The following RLN3 variants were observed in gnomAD, a reference collection of about 807,000 sequenced individuals.
RLN3 encodes relaxin-3.
In RLN3, 13 loss-of-function variants were observed where a neutral mutation model predicts 10.2. The ratio of observed to expected loss-of-function variants is 1.28; its 90% CI spans 0.83 to 2.03. The LOEUF (loss-of-function observed/expected upper bound fraction) is 2.03. RLN3 is among the 30% of genes most tolerant of loss of function. The pLI is 0.00. For synonymous variants in RLN3, 56 were observed against 79.2 expected (o/e 0.71, Z 1.56); for missense variants, 191 against 187.2 (o/e 1.02, Z -0.12).
chr19:14,031,044 A>C lies in RLN3; in HGVS notation c.*96A>C. The C allele has an allele frequency of 5.8e-6, 5 of 859,096 alleles. 1 individual carries two copies. The South Asian group carries it at 8.2e-5, about 14-fold the overall frequency. 53.2% of individuals were successfully genotyped at this position (859,096 alleles called of 1,614,324 possible). A position where few individuals can be genotyped will look rare whatever the true frequency, so the allele number is the denominator to read the frequency against. ...GCTGGGCACCTGTCTTTCGAGCCTC[A>C]CACATTCATTCATTCATCTACAAGT... On this transcript the variant is annotated 3_prime_UTR_variant, in exon 2 of 2. Coordinates refer to ENST00000431365, the MANE Select transcript of RLN3 (RefSeq NM_080864.4).
intron 1 of RLN3, 23 bp from the exon 2 acceptor site, chr19:14,030,687 C>A: frequency 6.2e-7 from 1 of 1,600,910 alleles, no homozygotes; most frequent in South Asian, 1.1e-5. Context: ...GCCCTGATCA[C>A]TAACTCTGTT....
chr19:14,029,197 G>A (rs1353345250), intron 1 of RLN3, among the ~76,000 whole-genome samples: 1 of 152,052 alleles, frequency 6.6e-6, no homozygotes, highest in Non-Finnish European at 1.5e-5. Context: ...GAGAGTCAGA[G>A]GGAACAGAAG....
rs1334331024 is a variant in RLN3 at position 14,028,200 on chromosome 19, C to T, written c.-5C>T. On this transcript the variant is annotated 5_prime_UTR_variant, in exon 1 of 2. Coordinates refer to ENST00000431365, the MANE Select transcript of RLN3 (RefSeq NM_080864.4). ...ACTCTCACGTTCAAAGCATCTCCGTCCAGCATGGCCAGGTACATGCTGCTG... is the reference window on the plus strand; with the variant it reads ...ACTCTCACGTTCAAAGCATCTCCGTTCAGCATGGCCAGGTACATGCTGCTG... 1.9e-6 allele frequency: 3 copies of T among 1,574,026 alleles called. No homozygotes were observed. Among genetic ancestry groups the T allele is most frequent in the Non-Finnish European group, 2.6e-6 (3 of 1,160,676 alleles).
chr19:14,030,671 A>T, intron 1 of RLN3, 39 bp from the exon 2 acceptor site: 1 of 1,536,918 alleles, frequency 6.5e-7, no homozygotes, highest in Non-Finnish European at 9.0e-7. Flanking sequence ...GTGCAGCAGC[A>T]GCTGAGCCCT....
Position 14,031,063 on chromosome 19 carries a change from T to G in RLN3, c.*115T>G. ...AGCCTCACACATTCATTCATTCATC[T>G]ACAAGTCACAGAGGCACTGTGGGCT... On this transcript the variant is annotated 3_prime_UTR_variant, in exon 2 of 2. Transcript: ENST00000431365. 1.3e-6 allele frequency: 1 copy of G among 774,956 alleles called. No homozygotes were observed. Among genetic ancestry groups the G allele is most frequent in the Non-Finnish European group, 2.1e-6 (1 of 466,976 alleles). 48.0% of individuals were successfully genotyped at this position (774,956 alleles called of 1,614,324 possible).
At position 14,031,096 on chromosome 19, in the gene RLN3, A is replaced by C; in HGVS notation, c.*148A>C. 1.5e-6 allele frequency: 1 copy of C among 648,230 alleles called. No homozygotes were observed. 40.2% of individuals were successfully genotyped at this position (648,230 alleles called of 1,614,324 possible). ...ACAGAGGCACTGTGGGCTCAGGCACAGTCTCCCGACACCACCTATCCAACC... is the reference window on the plus strand; with the variant it reads ...ACAGAGGCACTGTGGGCTCAGGCACCGTCTCCCGACACCACCTATCCAACC... On this transcript the variant is annotated 3_prime_UTR_variant, in exon 2 of 2. Coordinates refer to ENST00000431365, the MANE Select transcript of RLN3 (RefSeq NM_080864.4).
At chr19:14,029,264 G>C (rs1975761902) in intron 1 of RLN3, among the ~76,000 whole-genome samples, 1 of 152,080 alleles carries the variant, frequency 6.6e-6, no homozygotes, top group Admixed American at 6.6e-5. Context: ...TGGTGAGAAG[G>C]AGGATAGGTA....
In RLN3 at chr19:14,028,159, G is replaced by A; in HGVS notation, c.-46G>A. ...TGTATAAATGGGGGGCCAAGAGGCA[G>A]CAGAGACACTGGCCCACTCTCACGT... On this transcript the variant is annotated 5_prime_UTR_variant, in exon 1 of 2. Coordinates refer to ENST00000431365, the MANE Select transcript of RLN3 (RefSeq NM_080864.4). 1 of 1,432,804 alleles carries A rather than the reference G, an allele frequency of 7.0e-7. No homozygotes were observed. Among genetic ancestry groups the A allele is most frequent in the Non-Finnish European group, 9.5e-7 (1 of 1,055,844 alleles). The allele number at this position is 1,432,804 out of a possible 1,614,324, so 88.8% of individuals were successfully genotyped here.
In RLN3 at chr19:14,031,191, A is replaced by C. The variant is rs1975801576; in HGVS notation, c.*243A>C. On this transcript the variant is annotated 3_prime_UTR_variant, in exon 2 of 2. Coordinates refer to ENST00000431365, the MANE Select transcript of RLN3 (RefSeq NM_080864.4). ...TGTGCCCCTGCCTGGTCAAGTGGGG[A>C]CCCCCCCATCCTGACCCCTGACCTC... The C allele has an allele frequency of 4.0e-6, 2 of 498,780 alleles. No homozygotes were observed. The highest frequency in any genetic ancestry group is 2.7e-5 in the South Asian group (1 of 37,712). 30.9% of individuals were successfully genotyped at this position (498,780 alleles called of 1,614,324 possible).
intron 1 of RLN3, chr19:14,030,237 CTT>C: frequency 1.4e-6 from 1 of 700,296 alleles, no homozygotes; most frequent in Non-Finnish European, 2.6e-6. Context: ...TTTTTTTCCA[CTT>C]TGCAGAAAAG....
chr19:14,031,408 G>A lies in RLN3; in HGVS notation c.*460G>A. The A allele has an allele frequency of 4.6e-6, 1 of 215,164 alleles. No individual in the cohort carries two copies. Among genetic ancestry groups the A allele is most frequent in the South Asian group, 9.4e-5 (1 of 10,658 alleles). 13.3% of individuals were successfully genotyped at this position (215,164 alleles called of 1,614,324 possible). ...TTTGCACGCACGCTTCCTTTGCCCT[G>A]CTTTCCATCCCCTCTCCCTCCAACT... On this transcript the variant is annotated 3_prime_UTR_variant, in exon 2 of 2. Coordinates refer to ENST00000431365, the MANE Select transcript of RLN3 (RefSeq NM_080864.4).
chr19:14,030,681 T>C, intron 1 of RLN3, 29 bp from the exon 2 acceptor site: 1 of 1,590,084 alleles, frequency 6.3e-7, no homozygotes, highest in East Asian at 2.2e-5. Context: ...AGCTGAGCCC[T>C]GATCACTAAC....
chr19:14,030,513 C>T lies in RLN3; in HGVS notation c.191-197C>T, dbSNP rs575400952. Among the ~76,000 whole-genome samples the T allele has an allele frequency of 1.4e-4, 21 of 152,286 alleles. 1 individual carries two copies. Among genetic ancestry groups the T allele is most frequent in the Non-Finnish European group, 2.1e-4 (14 of 68,018 alleles). ...ATCTCTATAACAATACAAAAATCAG[C>T]CAGGCCTGCTGGCAGACACCTGTAA... On this transcript the variant is annotated intron_variant, in intron 1 of 1. Transcript: ENST00000431365.
intron 1 of RLN3, among the ~76,000 whole-genome samples, chr19:14,030,028 G>A (rs763313290): frequency 1.2e-4 from 18 of 151,848 alleles, no homozygotes; most frequent in Non-Finnish European, 2.1e-4. Flanking sequence ...GTGCTGTGTT[G>A]TCCAGGCTGT....
In RLN3 at chr19:14,031,178, TG is replaced by T. The variant is rs1975801406; in HGVS notation, c.*232del. 3.8e-6 allele frequency: 2 copies of T among 527,266 alleles called. No individual in the cohort carries two copies. Among genetic ancestry groups the T allele is most frequent in the Non-Finnish European group, 6.7e-6 (2 of 297,506 alleles). 32.7% of individuals were successfully genotyped at this position (527,266 alleles called of 1,614,324 possible). On this transcript the variant is annotated 3_prime_UTR_variant, in exon 2 of 2. Coordinates refer to ENST00000431365, the MANE Select transcript of RLN3 (RefSeq NM_080864.4). ...CCCCTAAGGAAGCTGTGCCCCTGCC[TG>T]GTCAAGTGGGGACCCCCCCATCCTG...
At position 14,028,275 on chromosome 19, in the gene RLN3, A is replaced by T. The variant is rs1160820151; in HGVS notation, c.71A>T (p.Glu24Val). 1.9e-6 allele frequency: 3 copies of T among 1,613,450 alleles called. No homozygotes were observed. The highest frequency in any genetic ancestry group is 2.5e-6 in the Non-Finnish European group (3 of 1,179,904). The change falls in exon 1 of 2, where the codon GAG becomes GTG. Residue 24 changes from glutamate (E) to valine (V), a missense_variant. Transcript: ENST00000431365. ...ACCGGGGAGCTGTGGCCGGGAGCTG[A>T]GGCCCGGGCAGCGCCTTACGGGGTC... Reference protein sequence around the residue: ...VLTGELWPGAEARAAPYGVRL... With the variant: ...VLTGELWPGAVARAAPYGVRL...
intron 1 of RLN3, chr19:14,030,241 G>A: frequency 1.4e-6 from 1 of 699,714 alleles, no homozygotes; most frequent in Non-Finnish European, 2.6e-6. Flanking sequence ...TTTCCACTTT[G>A]CAGAAAAGAA....
At chr19:14,030,543 A>G (rs1975784686) in intron 1 of RLN3, among the ~76,000 whole-genome samples, 167 bp from the exon 2 acceptor site, 1 of 152,116 alleles carries the variant, frequency 6.6e-6, no homozygotes, top group South Asian at 2.1e-4. Context: ...CTGTAATCCC[A>G]CCTACTCTGG....
At chr19:14,028,948 A>T (rs190212467) in intron 1 of RLN3, among the ~76,000 whole-genome samples, 18 of 149,516 alleles carry the variant, frequency 1.2e-4, no homozygotes, top group African/African-American at 3.9e-4. Context: ...CTAGTTTTAA[A>T]TTTTTTTTTT....
Sources: allele counts gnomAD v4.1 joint callset (sites outside exome capture counted in the v4.1 genomes callset), GRCh38; gene constraint gnomAD v4.1.1; transcripts MANE v1.5; gene names NCBI Gene and HGNC (gene_info 2026-07-23, HGNC 2026-07-21).